GRM5: variants seen among roughly 807,000 people sequenced by gnomAD.
GRM5 encodes the protein metabotropic glutamate receptor 5.
GRM5 carries 19 observed loss-of-function variants against 83.1 expected under a neutral mutation model. The ratio of observed to expected loss-of-function variants is 0.23; its 90% CI spans 0.16 to 0.34. The LOEUF (loss-of-function observed/expected upper bound fraction) is 0.34. Among genes scored for constraint, GRM5 ranks in the 10% least tolerant of loss-of-function variants. The pLI, the probability that GRM5 is intolerant of heterozygous loss-of-function variation, is 1.00. For synonymous variants in GRM5, 675 were observed against 633.6 expected (o/e 1.07, Z -0.98); for missense variants, 1,160 against 1,588.3 (o/e 0.73, Z 4.58).
intron 4 of GRM5, among the ~76,000 whole-genome samples, chr11:88,626,656 T>C (rs867138724): frequency 1.3e-5 from 2 of 152,188 alleles, no homozygotes; most frequent in Non-Finnish European, 2.9e-5. Flanking sequence ...TCCCCTCAAA[T>C]ACCCTCAATA....
At chr11:88,845,847 C>T (rs1944296267) in intron 3 of GRM5, among the ~76,000 whole-genome samples, 1 of 152,076 alleles carries the variant, frequency 6.6e-6, no homozygotes, top group Non-Finnish European at 1.5e-5. Flanking sequence ...TGCCTGTATA[C>T]TTGTTTGAAA....
At position 88,991,309 on chromosome 11, in the gene GRM5, T is replaced by A. The variant is rs538792645; in HGVS notation, c.661+55903A>T. Among the ~76,000 whole-genome samples the A allele has an allele frequency of 5.3e-5, 8 of 152,134 alleles. No homozygotes were observed. In the South Asian group the frequency reaches 1.7e-3, roughly 32 times the overall value. ...ACCTAGGAATCCAACTTACAAGGGA[T>A]GTGAAGGACCTCTTCAAGGAGAACT... On this transcript the variant is annotated intron_variant, in intron 2 of 9. Transcript: ENST00000305447.
chr11:88,728,038 A>G (rs534000874), intron 3 of GRM5, among the ~76,000 whole-genome samples: 13 of 152,202 alleles, frequency 8.5e-5, no homozygotes, highest in African/African-American at 2.4e-4. Flanking sequence ...GAGGAAAACT[A>G]AAGGAGATAG....
intron 3 of GRM5, among the ~76,000 whole-genome samples, chr11:88,837,041 G>C (rs1478460375): frequency 1.3e-5 from 2 of 152,084 alleles, no homozygotes; most frequent in Non-Finnish European, 2.9e-5. Flanking sequence ...AGTTTGAATA[G>C]TCCATCTAAT....
chr11:88,788,760 G>A (rs906639868), intron 3 of GRM5, among the ~76,000 whole-genome samples: 1 of 152,134 alleles, frequency 6.6e-6, no homozygotes, highest in Non-Finnish European at 1.5e-5. Context: ...TCAGTTGCTA[G>A]GGAAACTAGA....
chr11:88,828,168 G>A (rs564709087), intron 3 of GRM5, among the ~76,000 whole-genome samples: 42 of 152,186 alleles, frequency 2.8e-4, no homozygotes, highest in Admixed American at 2.4e-3. Context: ...GGAGCAACAG[G>A]ACATGGATGA....
chr11:88,706,419 T>C (rs1941159569), intron 3 of GRM5, among the ~76,000 whole-genome samples: 3 of 152,070 alleles, frequency 2.0e-5, no homozygotes. Flanking sequence ...CAGAGTAAAA[T>C]CCAGTCTGTG....
intron 3 of GRM5, among the ~76,000 whole-genome samples, chr11:88,785,459 A>T (rs1943051129): frequency 6.6e-6 from 1 of 152,146 alleles, no homozygotes; most frequent in South Asian, 2.1e-4. Context: ...TTCAAAGAAT[A>T]AATTGAAAAA....
At chr11:88,897,633 A>T (rs1183732005) in intron 2 of GRM5, among the ~76,000 whole-genome samples, 1 of 151,678 alleles carries the variant, frequency 6.6e-6, no homozygotes, top group Non-Finnish European at 1.5e-5. Flanking sequence ...TGCTGCTGAC[A>T]TCTAGTAGGT....
chr11:88,592,372 T>C (rs931520631), intron 6 of GRM5, among the ~76,000 whole-genome samples: 1 of 152,234 alleles, frequency 6.6e-6, no homozygotes, highest in Non-Finnish European at 1.5e-5. Context: ...AATGTCCATA[T>C]ACAGAAATGA....
intron 2 of GRM5, among the ~76,000 whole-genome samples, chr11:88,854,058 G>GTGTA (rs1555027663): frequency 3.3e-5 from 4 of 121,194 alleles, no homozygotes; most frequent in African/African-American, 6.2e-5. Context: ...AAAATGTGGT[G>GTGTA]TATATATATA....
chr11:88,633,273 A>G (rs550711639), intron 4 of GRM5, among the ~76,000 whole-genome samples: 28 of 152,272 alleles, frequency 1.8e-4, no homozygotes, highest in African/African-American at 6.7e-4. Flanking sequence ...CATCTACCCC[A>G]ATTATAGGTA....
chr11:88,585,587 C>G (rs901206255), intron 7 of GRM5, among the ~76,000 whole-genome samples: 4 of 152,196 alleles, frequency 2.6e-5, no homozygotes, highest in Non-Finnish European at 5.9e-5. Flanking sequence ...CAACACTCTT[C>G]TCTTTCATTT....
At chr11:88,751,497 C>G (rs970993716) in intron 3 of GRM5, among the ~76,000 whole-genome samples, 5 of 152,078 alleles carry the variant, frequency 3.3e-5, no homozygotes, top group African/African-American at 1.2e-4. Context: ...CAGGACCAGA[C>G]AGATTCACAG....
intron 3 of GRM5, among the ~76,000 whole-genome samples, chr11:88,808,002 G>A (rs1047031532): frequency 6.6e-6 from 1 of 151,826 alleles, no homozygotes; most frequent in Admixed American, 6.6e-5. Flanking sequence ...TGTTTTCATA[G>A]AATATTCATT....
At chr11:88,615,379 G>T (rs1162014609) in intron 4 of GRM5, among the ~76,000 whole-genome samples, 1 of 152,100 alleles carries the variant, frequency 6.6e-6, no homozygotes, top group African/African-American at 2.4e-5. Context: ...GTATTTTACA[G>T]AAAGACATCA....
At chr11:88,547,730 T>A (rs1942416854) in intron 8 of GRM5, among the ~76,000 whole-genome samples, 1 of 152,078 alleles carries the variant, frequency 6.6e-6, no homozygotes. Flanking sequence ...CAGTCATGGG[T>A]TCACATCAGC....
At chr11:88,688,223 T>C (rs1435321299) in intron 3 of GRM5, among the ~76,000 whole-genome samples, 4 of 152,208 alleles carry the variant, frequency 2.6e-5, no homozygotes, top group African/African-American at 9.6e-5. Flanking sequence ...TCAGTTTAAA[T>C]AGATGTCCTG....
intron 2 of GRM5, among the ~76,000 whole-genome samples, chr11:88,886,046 T>A (rs554987944): frequency 6.6e-6 from 1 of 152,186 alleles, no homozygotes; most frequent in Non-Finnish European, 1.5e-5. Context: ...ACATCATACC[T>A]GATCAAACCA....
Sources: gnomAD v4.1 joint callset for allele counts (sites outside exome capture counted in the v4.1 genomes callset) on GRCh38, gnomAD v4.1.1 for gene constraint, MANE v1.5 for transcripts, NCBI Gene and HGNC (gene_info 2026-07-23, HGNC 2026-07-21) for gene names.